Variants in ARHGEF16 observed in about 807,000 individuals in gnomAD.
The protein encoded by ARHGEF16 is Rho guanine exchange factor (GEF) 16.
In ARHGEF16, 59 loss-of-function variants were observed where a neutral mutation model predicts 74.1. The ratio of observed to expected loss-of-function variants is 0.80; its 90% CI spans 0.65 to 0.99. The LOEUF (loss-of-function observed/expected upper bound fraction) is 0.99. Among genes scored for constraint, ARHGEF16 ranks in the 50% least tolerant of loss-of-function variants. The pLI, the probability that ARHGEF16 is intolerant of heterozygous loss-of-function variation, is 0.00. For missense variants in ARHGEF16, 948 were observed against 986.6 expected, an observed-to-expected ratio of 0.96 and a Z score of 0.52; for synonymous variants, 415 against 412.6, an observed-to-expected ratio of 1.01 and a Z score of -0.07.
intron 2 of ARHGEF16, chr1:3,465,881 G>C (rs903815660): frequency 6.3e-6 from 3 of 478,514 alleles, no homozygotes; most frequent in Non-Finnish European, 1.1e-5. Flanking sequence ...GGGCCTGCTC[G>C]AAACTCTTCT....
chr1:3,458,291 C>T (rs951741797), intron 1 of ARHGEF16, among the ~76,000 whole-genome samples: 12 of 152,374 alleles, frequency 7.9e-5, no homozygotes, highest in African/African-American at 2.9e-4. Flanking sequence ...TAAGCCCCCA[C>T]TCAGCAAGTC....
At chr1:3,479,675 C>T in intron 13 of ARHGEF16, 85 bp downstream of exon 13, 2 of 1,571,618 alleles carry the variant, frequency 1.3e-6, no homozygotes, top group Non-Finnish European at 1.7e-6. Flanking sequence ...GAGCCTGGCA[C>T]CTGGCCTTGT....
chr1:3,470,953 T>TG (rs1335411633), intron 6 of ARHGEF16, among the ~76,000 whole-genome samples: 2 of 125,994 alleles, frequency 1.6e-5, no homozygotes, highest in Non-Finnish European at 3.3e-5. Flanking sequence ...GGGGTGTGCG[T>TG]GGGTGTGTGT....
At chr1:3,457,506 T>A (rs994196323) in intron 1 of ARHGEF16, among the ~76,000 whole-genome samples, 1 of 152,182 alleles carries the variant, frequency 6.6e-6, no homozygotes, top group Non-Finnish European at 1.5e-5. Flanking sequence ...ATTGTACTGC[T>A]ATGGGGATGC....
intron 6 of ARHGEF16, among the ~76,000 whole-genome samples, chr1:3,472,446 C>T (rs1319716155): frequency 6.6e-6 from 1 of 152,236 alleles, no homozygotes; most frequent in Non-Finnish European, 1.5e-5. Flanking sequence ...GCTGGCCCCC[C>T]CCCGGCCTTG....
intron 8 of ARHGEF16, 165 bp downstream of exon 8, chr1:3,473,687 CTT>C (rs1249463908): frequency 1.6e-6 from 2 of 1,216,218 alleles, no homozygotes; most frequent in Non-Finnish European, 2.3e-6. Context: ...ACCAGGATAA[CTT>C]TGTGGTCGCC....
chr1:3,466,833 C>T (rs1639560108), intron 3 of ARHGEF16: 1 of 244,960 alleles, frequency 4.1e-6, no homozygotes, highest in Non-Finnish European at 7.8e-6. Context: ...GGCATGGGCC[C>T]AGGAGGGGGT....
At chr1:3,455,007 G>A (rs954679134) in intron 1 of ARHGEF16, among the ~76,000 whole-genome samples, 196 bp downstream of exon 1, 1 of 151,944 alleles carries the variant, frequency 6.6e-6, no homozygotes, top group Admixed American at 6.5e-5. Context: ...GAGAGGCGGG[G>A]CTCGCGGGCT....
At position 3,463,116 on chromosome 1, in the gene ARHGEF16, A is replaced by T; in HGVS notation, c.32A>T (p.Glu11Val). The T allele has an allele frequency of 6.8e-7, 1 of 1,467,028 alleles. No homozygotes were observed. Among genetic ancestry groups the T allele is most frequent in the South Asian group, 1.4e-5 (1 of 71,900 alleles). 90.9% of individuals were successfully genotyped at this position (1,467,028 alleles called of 1,614,324 possible). A position where few individuals can be genotyped will look rare whatever the true frequency, so the allele number is the denominator to read the frequency against. Residue 11 changes from glutamate (E) to valine (V), a missense_variant, in exon 2 of 15, where the codon GAG (glutamate) becomes GTG (valine). Coordinates refer to ENST00000378378, the MANE Select transcript of ARHGEF16 (RefSeq NM_014448.4). MAQRHSDSSL[E>V]EKLLGHRFHS... The stretch of plus-strand genomic sequence containing the variant: ...CAGCGGCACTCAGACAGCTCCTTGG[A>T]GGAGAAGCTCCTGGGACACCGCTTC...
chr1:3,465,853 C>T (rs901196668), intron 2 of ARHGEF16, among the ~76,000 whole-genome samples: 2 of 152,220 alleles, frequency 1.3e-5, no homozygotes, highest in African/African-American at 4.8e-5. Context: ...CCTCTCCCAA[C>T]CTCACCTGCC....
chr1:3,458,461 G>C (rs554911198), intron 1 of ARHGEF16, among the ~76,000 whole-genome samples: 1 of 152,208 alleles, frequency 6.6e-6, no homozygotes, highest in Non-Finnish European at 1.5e-5. Flanking sequence ...ACCAGGAGCC[G>C]ACCAGCATCT....
intron 10 of ARHGEF16, among the ~76,000 whole-genome samples, chr1:3,476,730 T>C (rs1639886492): frequency 6.6e-6 from 1 of 151,830 alleles, no homozygotes; most frequent in Admixed American, 6.6e-5. Context: ...CCAGGGGGTG[T>C]CCTTCAGGGT....
At chr1:3,454,932 TC>T (rs1427896919) in intron 1 of ARHGEF16, 121 bp downstream of exon 1, 1 of 151,672 alleles carries the variant, frequency 6.6e-6, no homozygotes, top group Non-Finnish European at 1.5e-5. Context: ...CCCTCGCTTT[TC>T]CCGCAAGCCC....
chr1:3,468,790 C>G lies in ARHGEF16; in HGVS notation c.805-90C>G, dbSNP rs1219385992. On this transcript the variant is annotated intron_variant, in intron 4 of 14. Coordinates refer to ENST00000378378, the MANE Select transcript of ARHGEF16 (RefSeq NM_014448.4). ...CTGTGGGGTGGCTGTCCATGTTGGC[C>G]CTGGTCCATCAGGAGGAGGAAAGAA... The G allele has an allele frequency of 2.1e-6, 3 of 1,462,474 alleles. No individual in the cohort carries two copies. In the African/African-American group the frequency reaches 4.2e-5, roughly 21 times the overall value. 90.6% of individuals were successfully genotyped at this position (1,462,474 alleles called of 1,614,324 possible). A position where few individuals can be genotyped will look rare whatever the true frequency, so the allele number is the denominator to read the frequency against.
At chr1:3,460,512 C>T (rs1368827337) in intron 1 of ARHGEF16, among the ~76,000 whole-genome samples, 3 of 152,178 alleles carry the variant, frequency 2.0e-5, no homozygotes, top group African/African-American at 7.2e-5. Flanking sequence ...TGTCAACCCA[C>T]ATCAAATGCC....
At chr1:3,460,752 G>C (rs560821707) in intron 1 of ARHGEF16, among the ~76,000 whole-genome samples, 2 of 152,300 alleles carry the variant, frequency 1.3e-5, no homozygotes, top group East Asian at 3.9e-4. Context: ...AGCCCCGGGG[G>C]AGGCCTGTTG....
chr1:3,479,786 C>G, intron 13 of ARHGEF16, 26 bp from the exon 14 acceptor site: 1 of 1,608,534 alleles, frequency 6.2e-7, no homozygotes, highest in South Asian at 1.1e-5. Flanking sequence ...TCCCGACAGC[C>G]CTGTGATGGC....
rs1360440450 is a variant in ARHGEF16 at position 3,473,081 on chromosome 1, C to G, written c.1026C>G (p.Phe342Leu). ...ILDVLGASQRFFEDLEQRHKA... is the reference protein window; with the variant it reads ...ILDVLGASQRLFEDLEQRHKA... ...CCTCACCCCTCCTTGCCTTCAGGTT[C>G]TTCGAGGACCTGGAGCAGCGGCACA... The change falls in exon 7 of 15, where the codon TTC becomes TTG. Residue 342 changes from phenylalanine (F) to leucine (L), a missense_variant. Physicochemically the swap from Phe to Leu is conservative, Grantham distance 22. Transcript: ENST00000378378. 3.1e-6 allele frequency: 5 copies of G among 1,612,138 alleles called. No homozygotes were observed. Among genetic ancestry groups the G allele is most frequent in the African/African-American group, 1.3e-5 (1 of 74,946 alleles).
In ARHGEF16 at chr1:3,477,857, C is replaced by T; in HGVS notation, c.1474-18C>T. On this transcript the variant is annotated intron_variant, in intron 10 of 14. Coordinates refer to ENST00000378378, the MANE Select transcript of ARHGEF16 (RefSeq NM_014448.4). The stretch of plus-strand genomic sequence containing the variant: ...AGTCCCTCGCACTGATCTCCGCCTC[C>T]CGGCTCTGTCCCCCCAGTCCCTCCC... The T allele has an allele frequency of 6.2e-7, 1 of 1,602,634 alleles. No homozygotes were observed. Among genetic ancestry groups the T allele is most frequent in the South Asian group, 1.1e-5 (1 of 90,580 alleles).
Sources: gnomAD v4.1 joint callset for allele counts (sites outside exome capture counted in the v4.1 genomes callset) on GRCh38, gnomAD v4.1.1 for gene constraint, MANE v1.5 for transcripts, NCBI Gene and HGNC (gene_info 2026-07-23, HGNC 2026-07-21) for gene names.